Variants in ABHD17C observed in about 807,000 individuals in gnomAD.
The protein encoded by ABHD17C is alpha/beta hydrolase domain-containing protein 17C.
Under a neutral mutation model 27.9 loss-of-function variants are expected in ABHD17C, and 11 were observed. The observed-to-expected ratio is 0.39, with a 90% CI of 0.25 to 0.65. ABHD17C has a LOEUF of 0.65. Among genes scored for constraint, ABHD17C ranks in the 30% least tolerant of loss-of-function variants. The pLI, the probability that ABHD17C is intolerant of heterozygous loss-of-function variation, is 0.45. For missense variants in ABHD17C, 280 were observed against 470.2 expected (o/e 0.60, Z 3.74); for synonymous variants, 233 against 209.1 (o/e 1.11, Z -0.98).
At chr15:80,725,011 TTA>T (rs1894953131) in intron 1 of ABHD17C, among the ~76,000 whole-genome samples, 2 of 152,346 alleles carry the variant, frequency 1.3e-5, no homozygotes, top group South Asian at 4.1e-4. Context: ...TGTTATGTTT[TTA>T]TACCCTAGTG....
At chr15:80,699,460 C>T (rs1186053494) in intron 1 of ABHD17C, among the ~76,000 whole-genome samples, 1 of 151,994 alleles carries the variant, frequency 6.6e-6, no homozygotes, top group Non-Finnish European at 1.5e-5. Context: ...AGGCCTCATC[C>T]ACTTTGTATT....
At chr15:80,728,776 G>T (rs1281543516) in intron 1 of ABHD17C, among the ~76,000 whole-genome samples, 3 of 152,154 alleles carry the variant, frequency 2.0e-5, no homozygotes, top group Middle Eastern at 3.2e-3. Flanking sequence ...GCACAGATTG[G>T]ATTGATTGAT....
At chr15:80,707,943 C>G (rs1264732753) in intron 1 of ABHD17C, among the ~76,000 whole-genome samples, 1 of 152,084 alleles carries the variant, frequency 6.6e-6, no homozygotes, top group Admixed American at 6.5e-5. Context: ...AAATGGTTTC[C>G]AATTCCTGTT....
chr15:80,751,310 A>C (rs145230741), intron 2 of ABHD17C, among the ~76,000 whole-genome samples: 1 of 152,130 alleles, frequency 6.6e-6, no homozygotes, highest in Admixed American at 6.5e-5. Flanking sequence ...CAGTGAGCCG[A>C]GATCGCACCA....
At chr15:80,735,080 C>T (rs1287241970) in intron 1 of ABHD17C, among the ~76,000 whole-genome samples, 4 of 152,170 alleles carry the variant, frequency 2.6e-5, no homozygotes, top group African/African-American at 4.8e-5. Flanking sequence ...CTGCTACTTC[C>T]GGCCACTTGT....
chr15:80,741,815 C>T (rs115225425), intron 1 of ABHD17C, among the ~76,000 whole-genome samples: 448 of 152,290 alleles, frequency 2.9e-3, no homozygotes, highest in African/African-American at 0.01. Context: ...AGCATCGCCT[C>T]TCTTGTGCTT....
In ABHD17C at chr15:80,754,261, C is replaced by A; in HGVS notation, c.881C>A (p.Ala294Asp). 1 of 1,613,938 alleles carries A rather than the reference C, an allele frequency of 6.2e-7. No homozygotes were observed. The highest frequency in any genetic ancestry group is 8.5e-7 in the Non-Finnish European group (1 of 1,179,872). The part of the protein sequence containing the change: ...GLAMYERCPR[A>D]VEPLWVEGAG... ...GCGATGTACGAGCGCTGTCCCCGAG[C>A]CGTGGAGCCCCTTTGGGTTGAAGGG... is the stretch of plus-strand genomic sequence containing the variant. Residue 294 changes from alanine to aspartate, a missense_variant, in exon 3 of 3, where the codon GCC becomes GAC. Transcript: ENST00000258884.
At chr15:80,747,271 G>A (rs907455255) in intron 1 of ABHD17C, among the ~76,000 whole-genome samples, 10 of 152,120 alleles carry the variant, frequency 6.6e-5, no homozygotes, top group South Asian at 2.1e-4. Flanking sequence ...TTTTGGGGTC[G>A]TAGACTGCTT....
At chr15:80,738,942 A>G (rs146677332) in intron 1 of ABHD17C, among the ~76,000 whole-genome samples, 214 of 152,340 alleles carry the variant, frequency 1.4e-3, no homozygotes, top group African/African-American at 3.8e-3. Context: ...GACAAGTTCT[A>G]TTAATACAAG....
At chr15:80,711,369 C>A (rs553048389) in intron 1 of ABHD17C, among the ~76,000 whole-genome samples, 1 of 152,198 alleles carries the variant, frequency 6.6e-6, no homozygotes, top group South Asian at 2.1e-4. Context: ...GGAGAGTGAT[C>A]GCTCATTTCC....
Position 80,695,909 on chromosome 15 carries a change from C to A in ABHD17C, c.480C>A (p.Asn160Lys). ...SFYIGLGSRI[N>K]CNIFSYDYSG... ...ACATTGGCCTCGGCTCCCGCATCAA[C>A]TGCAACATCTTCTCCTACGACTACT... Residue 160 changes from asparagine (N) to lysine (K), a missense_variant, in exon 1 of 3, where the codon AAC becomes AAA. This residue lies in a region of ABHD17C where 206 missense variants were observed against 394.7 expected (regional missense o/e 0.52). Transcript: ENST00000258884. The surrounding 1 kb of genome is among the most constrained non-coding windows in gnomAD (Gnocchi z 4.3). 6.3e-7 allele frequency: 1 copy of A among 1,597,480 alleles called. No homozygotes were observed.
At chr15:80,704,788 A>T (rs139156264) in intron 1 of ABHD17C, 1 of 152,326 alleles carries the variant, frequency 6.6e-6, no homozygotes, top group East Asian at 1.9e-4. Flanking sequence ...CACAGAGCTC[A>T]GTCTGACAAG....
chr15:80,708,554 C>G (rs142194932), intron 1 of ABHD17C, among the ~76,000 whole-genome samples: 21 of 152,286 alleles, frequency 1.4e-4, no homozygotes, highest in African/African-American at 4.8e-4. Flanking sequence ...TAAGCTCAAG[C>G]AATCCTCCCG....
intron 1 of ABHD17C, among the ~76,000 whole-genome samples, chr15:80,710,270 G>T (rs1049415629): frequency 1.3e-5 from 2 of 152,172 alleles, no homozygotes; most frequent in African/African-American, 2.4e-5. Flanking sequence ...GGGGTGCAGG[G>T]GTAAGAGGAG....
chr15:80,746,828 G>A (rs943921377), intron 1 of ABHD17C, among the ~76,000 whole-genome samples: 9 of 152,098 alleles, frequency 5.9e-5, no homozygotes, highest in African/African-American at 1.2e-4. Flanking sequence ...GTCCCATGGC[G>A]TGTTATATAG....
At chr15:80,706,248 C>T (rs1427951759) in intron 1 of ABHD17C, among the ~76,000 whole-genome samples, 1 of 152,122 alleles carries the variant, frequency 6.6e-6, no homozygotes, top group African/African-American at 2.4e-5. Flanking sequence ...ATAACTCCCA[C>T]GTTATTGATT....
chr15:80,746,432 T>C (rs943295283), intron 1 of ABHD17C, among the ~76,000 whole-genome samples: 1 of 152,180 alleles, frequency 6.6e-6, no homozygotes, highest in African/African-American at 2.4e-5. Context: ...TGTAATACTT[T>C]CTGTCTTTTT....
intron 1 of ABHD17C, among the ~76,000 whole-genome samples, chr15:80,747,868 C>T (rs1463140456): frequency 1.3e-5 from 2 of 152,182 alleles, no homozygotes; most frequent in Non-Finnish European, 2.9e-5. Flanking sequence ...GCTTCCTTTT[C>T]ATGCTGTCAT....
intron 1 of ABHD17C, among the ~76,000 whole-genome samples, chr15:80,735,539 A>G (rs1324116337): frequency 6.6e-6 from 1 of 150,386 alleles, no homozygotes; most frequent in Admixed American, 6.6e-5. Context: ...GCCTTTCCAC[A>G]CTCTGTTTCC....
Sources: allele counts gnomAD v4.1 joint callset (sites outside exome capture counted in the v4.1 genomes callset), GRCh38; gene constraint gnomAD v4.1.1; regional missense constraint gnomAD v4.1.1; non-coding constraint Gnocchi (gnomAD v3.1); transcripts MANE v1.5; gene names NCBI Gene and HGNC (gene_info 2026-07-23, HGNC 2026-07-21).